The following SGSM3 variants were observed in gnomAD, a reference collection of about 807,000 sequenced individuals.
SGSM3 encodes small G protein signaling modulator 3.
Under a neutral mutation model 100.5 loss-of-function variants are expected in SGSM3, and 96 were observed. That is an observed-to-expected ratio of 0.96 (90% confidence interval 0.81 to 1.13). The LOEUF (loss-of-function observed/expected upper bound fraction) is 1.13. Ranked by LOEUF, SGSM3 falls within the 50% of genes most tolerant of loss-of-function variation. The pLI is 0.00. For missense variants in SGSM3, 1,001 were observed against 1,015.8 expected (o/e 0.99, Z 0.20); for synonymous variants, 483 against 422.8 (o/e 1.14, Z -1.75).
At position 40,407,079 on chromosome 22, in the gene SGSM3, C is replaced by T. The variant is rs201959022; in HGVS notation, c.1240+8C>T. 3.1e-6 allele frequency: 5 copies of T among 1,598,668 alleles called. No homozygotes were observed. The highest frequency in any genetic ancestry group is 2.3e-5 in the East Asian group (1 of 44,220). On this transcript the variant is annotated splice_region_variant and intron_variant, in intron 11 of 21. Transcript: ENST00000248929. The surrounding 1 kb of genome is among the most constrained non-coding windows in gnomAD (Gnocchi z 4.7). ...TCACTGCTCTGCTCTTCGGTGAGAG[C>T]TCTGCGAGTGCCAGGCAGTGTGGGC...
chr22:40,408,616 T>C lies in SGSM3; in HGVS notation c.1783-11T>C, dbSNP rs1374551387. Reference sequence around the variant, plus strand: ...CTGTCCCTGCACTCACACCGTGTGCTGTCCCCACAGGCTGCAGGCCGGGAG... The same window carrying C: ...CTGTCCCTGCACTCACACCGTGTGCCGTCCCCACAGGCTGCAGGCCGGGAG... On this transcript the variant is annotated splice_polypyrimidine_tract_variant and intron_variant, in intron 16 of 21. Transcript: ENST00000248929. 4 of 1,613,624 alleles carry C rather than the reference T, an allele frequency of 2.5e-6. No individual in the cohort carries two copies. Among genetic ancestry groups the C allele is most frequent in the Non-Finnish European group, 3.4e-6 (4 of 1,179,898 alleles).
Position 40,409,783 on chromosome 22 carries a change from C to T in SGSM3, c.*24C>T, listed in dbSNP as rs766677451. The T allele has an allele frequency of 2.8e-5, 45 of 1,598,784 alleles. No homozygotes were observed. The highest frequency in any genetic ancestry group is 1.2e-4 in the Admixed American group (7 of 59,366). On this transcript the variant is annotated 3_prime_UTR_variant, in exon 22 of 22. Coordinates refer to ENST00000248929, the MANE Select transcript of SGSM3 (RefSeq NM_015705.6). ...GACCCCCTCCTCCCCAGCCCAACCTCGGGCCTGCGTCTGAGGTGGCCCAGG... is the reference window on the plus strand; with the variant it reads ...GACCCCCTCCTCCCCAGCCCAACCTTGGGCCTGCGTCTGAGGTGGCCCAGG...
chr22:40,410,141 CAGAGCTGT>C lies in SGSM3; in HGVS notation c.*384_*391del, dbSNP rs2147037912. 2.7e-6 allele frequency: 3 copies of C among 1,122,714 alleles called. No homozygotes were observed. The highest frequency in any genetic ancestry group is 3.7e-4 in the Middle Eastern group (1 of 2,720). The allele number at this position is 1,122,714 out of a possible 1,614,324, so 69.5% of individuals were successfully genotyped here. A position where few individuals can be genotyped will look rare whatever the true frequency, so the allele number is the denominator to read the frequency against. ...CCTGTCTTCTGTGCAGCTAGGGCTG[CAGAGCTGT>C]ATTCAGGTCCAAGGTTCTGCCCTTC... On this transcript the variant is annotated 3_prime_UTR_variant, in exon 22 of 22. Coordinates refer to ENST00000248929, the MANE Select transcript of SGSM3 (RefSeq NM_015705.6).
At chr22:40,384,064 G>T (rs970943576) in intron 1 of SGSM3, among the ~76,000 whole-genome samples, 1 of 152,088 alleles carries the variant, frequency 6.6e-6, no homozygotes, top group African/African-American at 2.4e-5. Context: ...TCCTGGGCAA[G>T]ATAGTAGGAC....
At chr22:40,404,161 G>A (rs1602057077) in intron 4 of SGSM3, 86 bp from the exon 5 acceptor site, 1 of 1,166,798 alleles carries the variant, frequency 8.6e-7, no homozygotes, top group East Asian at 2.5e-5. Flanking sequence ...ATGAAGCTCA[G>A]ACCCTCCTGA....
intron 1 of SGSM3, chr22:40,390,256 G>A (rs2049172221): frequency 6.6e-6 from 1 of 152,142 alleles, no homozygotes; most frequent in African/African-American, 2.4e-5. Context: ...AAATGAAAAA[G>A]GTACAGAACG....
rs772232992 is a variant in SGSM3, at chr22:40,389,150, T to C, written c.-111-11546T>C. ...CATTAAGGCATCTGAAGAACAGGCA[T>C]ATAGGAGGAGGAACTGGAAAAGGAG... On this transcript the variant is annotated intron_variant, in intron 1 of 21. Transcript: ENST00000248929. 1.1e-3 allele frequency among the ~76,000 whole-genome samples: 166 copies of C among 151,600 alleles called. 1 individual carries two copies. Among genetic ancestry groups the C allele is most frequent in the Non-Finnish European group, 1.9e-3 (129 of 67,924 alleles).
At chr22:40,376,570 TGTTTG>T (rs2046643670) in intron 1 of SGSM3, 1 of 152,178 alleles carries the variant, frequency 6.6e-6, no homozygotes, top group East Asian at 1.9e-4. Context: ...ATGTATTAGG[TGTTTG>T]CTATATATAC....
chr22:40,384,452 C>A (rs532350837), intron 1 of SGSM3, among the ~76,000 whole-genome samples: 1 of 152,096 alleles, frequency 6.6e-6, no homozygotes, highest in East Asian at 1.9e-4. Flanking sequence ...CCCCCATCTC[C>A]AATAAATAAA....
At position 40,407,861 on chromosome 22, in the gene SGSM3, C is replaced by T; in HGVS notation, c.1579+18C>T. ...CCTGCGAGGTGGGGTCCTTGGTCTGCTCTTGAGCTGGGAGAGGGAGGAGGG... is the reference window on the plus strand; with the variant it reads ...CCTGCGAGGTGGGGTCCTTGGTCTGTTCTTGAGCTGGGAGAGGGAGGAGGG... On this transcript the variant is annotated intron_variant, in intron 14 of 21. Coordinates refer to ENST00000248929, the MANE Select transcript of SGSM3 (RefSeq NM_015705.6). This position sits in a 1 kb window ranked among gnomAD's most constrained non-coding sequence, Gnocchi z 4.7. The T allele has an allele frequency of 6.2e-7, 1 of 1,602,798 alleles. No individual in the cohort carries two copies. Among genetic ancestry groups the T allele is most frequent in the South Asian group, 1.1e-5 (1 of 89,864 alleles).
In SGSM3 at chr22:40,404,661, G is replaced by C; in HGVS notation, c.471G>C (p.Lys157Asn). Reference protein sequence around the residue: ...NSSNDETIAAKQIEKDLLRTM... With the variant: ...NSSNDETIAANQIEKDLLRTM... ...CCAACGATGAGACCATCGCTGCCAAGCAGGTGAGGCCGGTGGCACTGTGCA... is the reference window on the plus strand; with the variant it reads ...CCAACGATGAGACCATCGCTGCCAACCAGGTGAGGCCGGTGGCACTGTGCA... The change falls in exon 6 of 22, where the codon AAG becomes AAC. Residue 157 changes from lysine to asparagine, a missense_variant. By Grantham distance (94) the Lys-to-Asn change is moderately conservative. Coordinates refer to ENST00000248929, the MANE Select transcript of SGSM3 (RefSeq NM_015705.6). 6.2e-7 allele frequency: 1 copy of C among 1,607,888 alleles called. No individual in the cohort carries two copies. The highest frequency in any genetic ancestry group is 1.1e-5 in the South Asian group (1 of 90,622).
At position 40,409,796 on chromosome 22, in the gene SGSM3, GA is replaced by G; in HGVS notation, c.*38del. The G allele has an allele frequency of 6.3e-7, 1 of 1,593,006 alleles. No homozygotes were observed. Among genetic ancestry groups the G allele is most frequent in the South Asian group, 1.1e-5 (1 of 90,096 alleles). On this transcript the variant is annotated 3_prime_UTR_variant, in exon 22 of 22. Coordinates refer to ENST00000248929, the MANE Select transcript of SGSM3 (RefSeq NM_015705.6). ...CCAGCCCAACCTCGGGCCTGCGTCT[GA>G]GGTGGCCCAGGACCCCAAGCTGCAG...
At position 40,407,009 on chromosome 22, in the gene SGSM3, T is replaced by C; in HGVS notation, c.1186-8T>C. The stretch of plus-strand genomic sequence containing the variant: ...CAGGACCACCCTGACCCACTCCTCT[T>C]GGTGCAGGTTGTTCGCCGCAGGACC... On this transcript the variant is annotated splice_polypyrimidine_tract_variant and splice_region_variant and intron_variant, in intron 10 of 21. Coordinates refer to ENST00000248929, the MANE Select transcript of SGSM3 (RefSeq NM_015705.6). The surrounding 1 kb of genome is among the most constrained non-coding windows in gnomAD (Gnocchi z 4.7). 3 of 1,567,662 alleles carry C rather than the reference T, an allele frequency of 1.9e-6. No homozygotes were observed. The highest frequency in any genetic ancestry group is 2.4e-5 in the East Asian group (1 of 42,368).
intron 1 of SGSM3, among the ~76,000 whole-genome samples, chr22:40,373,861 TC>T (rs1227531380): frequency 1.3e-5 from 2 of 152,000 alleles, no homozygotes; most frequent in African/African-American, 4.8e-5. Flanking sequence ...TGATCCGCCC[TC>T]CTAGGCCTTC....
Position 40,410,096 on chromosome 22 carries a change from T to TGTC in SGSM3, c.*338_*340dup. On this transcript the variant is annotated 3_prime_UTR_variant, in exon 22 of 22. Coordinates refer to ENST00000248929, the MANE Select transcript of SGSM3 (RefSeq NM_015705.6). Reference sequence around the variant, plus strand: ...CTTTGGTTTATAAATAAACTGTGTCTGTCTTTGAGAAAGCACCTACCTGTC... The same window carrying TGTC: ...CTTTGGTTTATAAATAAACTGTGTCTGTCGTCTTTGAGAAAGCACCTACCTGTC... 4.2e-6 allele frequency: 5 copies of TGTC among 1,194,738 alleles called. No homozygotes were observed. The highest frequency in any genetic ancestry group is 5.2e-6 in the Non-Finnish European group (5 of 962,478). 74.0% of individuals were successfully genotyped at this position (1,194,738 alleles called of 1,614,324 possible).
intron 1 of SGSM3, chr22:40,387,539 C>T (rs1325962254): frequency 8.7e-6 from 2 of 229,674 alleles, no homozygotes; most frequent in Non-Finnish European, 1.7e-5. Flanking sequence ...GTCTCAGTGG[C>T]CTTCTTTGCC....
At chr22:40,388,926 T>G (rs1348238603) in intron 1 of SGSM3, among the ~76,000 whole-genome samples, 1 of 152,070 alleles carries the variant, frequency 6.6e-6, no homozygotes, top group African/African-American at 2.4e-5. Flanking sequence ...GGAAAGGTGA[T>G]GAGTTAACTT....
rs890853961 is a variant in SGSM3, at chr22:40,410,236, C to A, written c.*477C>A. 70 of 1,001,348 alleles carry A rather than the reference C, an allele frequency of 7.0e-5. No individual in the cohort carries two copies. The highest frequency in any genetic ancestry group is 5.4e-5 in the Admixed American group (1 of 18,384). The allele number at this position is 1,001,348 out of a possible 1,614,324, so 62.0% of individuals were successfully genotyped here. On this transcript the variant is annotated 3_prime_UTR_variant, in exon 22 of 22. Coordinates refer to ENST00000248929, the MANE Select transcript of SGSM3 (RefSeq NM_015705.6). ...ATGCTGGGACACAACAGACCCGGGA[C>A]CCAGCTGTGCTACCCACCCCTTCCA... is the stretch of plus-strand genomic sequence containing the variant.
intron 1 of SGSM3, chr22:40,378,126 A>G (rs1417212261): frequency 6.6e-6 from 1 of 152,144 alleles, no homozygotes; most frequent in Admixed American, 6.6e-5. Context: ...GAGGAGTAAT[A>G]TGGGTTTAGT....
Sources: allele counts gnomAD v4.1 joint callset (sites outside exome capture counted in the v4.1 genomes callset), GRCh38; gene constraint gnomAD v4.1.1; non-coding constraint Gnocchi (gnomAD v3.1); transcripts MANE v1.5; gene names NCBI Gene and HGNC (gene_info 2026-07-23, HGNC 2026-07-21).